PELP1: variants seen among roughly 807,000 people sequenced by gnomAD.
PELP1 encodes the protein proline, glutamate and leucine rich protein 1, also known as proline-, glutamic acid- and leucine-rich protein 1.
In PELP1, 32 loss-of-function variants were observed where a neutral mutation model predicts 95.5. The ratio of observed to expected loss-of-function variants is 0.34; its 90% CI spans 0.25 to 0.45. The LOEUF is 0.45. Ranked by LOEUF, PELP1 falls within the 20% of genes least tolerant of loss-of-function variation. The probability of loss-of-function intolerance (pLI) is 1.00; values close to 1 mark genes in which losing one functional copy is unlikely to be tolerated. For missense variants in PELP1, 1,358 were observed against 1,444.8 expected (o/e 0.94, Z 0.97); for synonymous variants, 668 against 600.1 (o/e 1.11, Z -1.65).
intron 1 of PELP1, among the ~76,000 whole-genome samples, chr17:4,693,587 C>T (rs891530516): frequency 2.0e-5 from 3 of 152,152 alleles, no homozygotes; most frequent in Admixed American, 1.3e-4. Context: ...TGAACACGAG[C>T]ACTGCAATAC....
rs1375766225 is a variant in PELP1 at position 4,685,936 on chromosome 17, A to C, written c.421-2984T>G. Among the ~76,000 whole-genome samples the C allele has an allele frequency of 2.6e-5, 4 of 152,236 alleles. No homozygotes were observed. The East Asian group carries it at 5.8e-4, about 22-fold the overall frequency. ...ACATGGTGAAACCCCGTCTCTACTAAAAATACAAAAATTAGCCGGGTGTGG... is the reference window on the plus strand; with the variant it reads ...ACATGGTGAAACCCCGTCTCTACTACAAATACAAAAATTAGCCGGGTGTGG... On this transcript the variant is annotated intron_variant, in intron 3 of 16. Transcript: ENST00000572293.
chr17:4,676,028 A>C lies in PELP1; in HGVS notation c.980+8T>G. ...CACGCCTCCGCTCCCTCCAATACCC[A>C]CACACACCTGAGCATGAGCCCTAGG... On this transcript the variant is annotated splice_region_variant and intron_variant, in intron 8 of 16. Transcript: ENST00000572293. 6.2e-7 allele frequency: 1 copy of C among 1,613,496 alleles called. No individual in the cohort carries two copies. The highest frequency in any genetic ancestry group is 8.5e-7 in the Non-Finnish European group (1 of 1,179,610).
chr17:4,676,252 AT>A, intron 7 of PELP1, 90 bp from the exon 8 acceptor site: 1 of 1,580,974 alleles, frequency 6.3e-7, no homozygotes, highest in Non-Finnish European at 8.6e-7. Flanking sequence ...ATTCTAACCC[AT>A]TTTCCCCAAA....
chr17:4,702,237 G>C (rs1913567936), intron 1 of PELP1, among the ~76,000 whole-genome samples: 1 of 152,098 alleles, frequency 6.6e-6, no homozygotes, highest in South Asian at 2.1e-4. Context: ...TGGGCAACAT[G>C]GCAAAACCCC....
In PELP1 at chr17:4,682,890, A is replaced by G. The variant is rs375333562; in HGVS notation, c.483T>C (p.Tyr161=). Residue 161 remains tyrosine, a synonymous_variant, in exon 4 of 17, where the codon TAT becomes TAC. Coordinates refer to ENST00000572293, the MANE Select transcript of PELP1 (RefSeq NM_014389.3). ...GGAACAGTGCAGGCAGCTGGGCTGC[A>G]TATCGGAGGAGGTCCCTCAGGACAG... ...AVAVLRDLLR[Y]AAQLPALFRD... is the part of the protein sequence containing the mutation. 4.8e-5 allele frequency: 77 copies of G among 1,591,914 alleles called. No individual in the cohort carries two copies. In the African/African-American group the frequency reaches 8.3e-4, roughly 17 times the overall value.
chr17:4,676,210 C>A, intron 7 of PELP1, 48 bp from the exon 8 acceptor site: 1 of 1,604,034 alleles, frequency 6.2e-7, no homozygotes, highest in Non-Finnish European at 8.5e-7. Context: ...TCCATCCCCT[C>A]CTCTGTCATT....
chr17:4,684,264 A>G (rs1379709022), intron 3 of PELP1, among the ~76,000 whole-genome samples: 2 of 152,116 alleles, frequency 1.3e-5, no homozygotes, highest in East Asian at 3.8e-4. Flanking sequence ...TAATCCTACC[A>G]CATTTCTCTG....
intron 5 of PELP1, among the ~76,000 whole-genome samples, chr17:4,679,144 A>G (rs1168069302): frequency 6.6e-6 from 1 of 151,936 alleles, no homozygotes; most frequent in Non-Finnish European, 1.5e-5. Context: ...TCCTGCCTCA[A>G]TGTTCTAAGT....
Position 4,673,639 on chromosome 17 carries a change from T to C in PELP1, c.1618A>G (p.Ile540Val). ...CTAACCCTGTGAGTCTCCTCCTTGA[T>C]GAGAGGCCCACACATGAGGATGGTC... The part of the protein sequence containing the change: ...SRTILMCGPL[I>V]KEETHRRLHD... Residue 540 changes from isoleucine (I) to valine (V), a missense_variant, in exon 14 of 17, where the codon ATC (isoleucine) becomes GTC (valine). Physicochemically the swap from Ile to Val is conservative, Grantham distance 29. Around this residue, in one of 7 missense-constraint regions of PELP1, gnomAD observed 538 missense variants for 628.1 expected, o/e 0.86. Transcript: ENST00000572293. The surrounding 1 kb of genome is among the most constrained non-coding windows in gnomAD (Gnocchi z 5.7). 1.9e-6 allele frequency: 3 copies of C among 1,613,836 alleles called. No individual in the cohort carries two copies. Among genetic ancestry groups the C allele is most frequent in the Non-Finnish European group, 2.5e-6 (3 of 1,179,790 alleles).
chr17:4,673,207 G>C lies in PELP1; in HGVS notation c.1845+43C>G. 6.5e-7 allele frequency: 1 copy of C among 1,535,302 alleles called. No homozygotes were observed. Among genetic ancestry groups the C allele is most frequent in the African/African-American group, 1.4e-5 (1 of 72,702 alleles). On this transcript the variant is annotated intron_variant, in intron 15 of 16. Coordinates refer to ENST00000572293, the MANE Select transcript of PELP1 (RefSeq NM_014389.3). This position sits in a 1 kb window ranked among gnomAD's most constrained non-coding sequence, Gnocchi z 5.7. ...AATACTGGGAGTCTCTTGGAAACAA[G>C]AGACTCCAGGAACCAAAGAGGGGCT...
intron 1 of PELP1, among the ~76,000 whole-genome samples, chr17:4,692,407 C>A (rs1413532450): frequency 6.6e-6 from 1 of 151,094 alleles, no homozygotes; most frequent in African/African-American, 2.4e-5. Flanking sequence ...ACGGAGTTTG[C>A]AGTGAGCCGA....
In PELP1 at chr17:4,672,921, G is replaced by A. The variant is rs147763003; in HGVS notation, c.2070C>T (p.Pro690=). The A allele has an allele frequency of 7.6e-3, 12,312 of 1,611,842 alleles. 261 individuals carry two copies. Among genetic ancestry groups the A allele is most frequent in the South Asian group, 0.059 (5,331 of 90,714 alleles). ...AGPMPSAGPM[P]SAGPVPSARP... is the part of the protein sequence containing the mutation. ...GTGCCGAGGGCACAGGGCCTGCTGA[G>A]GGCATGGGGCCTGCTGAAGGCATGG... The change falls in exon 16 of 17, where the codon CCC becomes CCT. Residue 690 remains proline (P), a synonymous_variant. Transcript: ENST00000572293.
At chr17:4,702,823 G>A (rs1392719507) in intron 1 of PELP1, among the ~76,000 whole-genome samples, 1 of 152,166 alleles carries the variant, frequency 6.6e-6, no homozygotes, top group Non-Finnish European at 1.5e-5. Context: ...GGAGAGAAGG[G>A]AAGATAGGAG....
Position 4,704,021 on chromosome 17 carries a change from G to A in PELP1, c.91C>T (p.Pro31Ser). ...TGGLSAVSSG[P>S]RLRLLLLESV... ...TCCAGCAGCAGCAGGCGGAGCCGCG[G>A]GCCCGAGCTCACTGCCGAGAGACCC... Residue 31 changes from proline to serine, a missense_variant, in exon 1 of 17, where the codon CCG becomes TCG. Pro to Ser is a moderately conservative substitution (Grantham distance 74). Transcript: ENST00000572293. The A allele has an allele frequency of 6.2e-7, 1 of 1,613,116 alleles. No individual in the cohort carries two copies. Among genetic ancestry groups the A allele is most frequent in the Non-Finnish European group, 8.5e-7 (1 of 1,179,712 alleles).
At chr17:4,682,370 A>G in intron 5 of PELP1, 132 bp downstream of exon 5, 1 of 661,974 alleles carries the variant, frequency 1.5e-6, no homozygotes, top group South Asian at 1.8e-5. Flanking sequence ...AAAGTGGTAG[A>G]AGTGTACTTG....
At chr17:4,683,793 GT>G (rs1255709141) in intron 3 of PELP1, among the ~76,000 whole-genome samples, 8 of 140,772 alleles carry the variant, frequency 5.7e-5, no homozygotes, top group Non-Finnish European at 1.2e-4. Flanking sequence ...AGACTCCAAA[GT>G]GCTAGGATTA....
intron 1 of PELP1, among the ~76,000 whole-genome samples, chr17:4,697,224 A>C (rs1389336991): frequency 6.6e-6 from 1 of 151,926 alleles, no homozygotes; most frequent in African/African-American, 2.4e-5. Flanking sequence ...TCGAGAGGAG[A>C]GGAGAGGGGC....
rs1912255468 is a variant in PELP1 at position 4,672,447 on chromosome 17, A to T, written c.2544T>A (p.Pro848=). 6.5e-7 allele frequency: 1 copy of T among 1,530,686 alleles called. No homozygotes were observed. The highest frequency in any genetic ancestry group is 8.8e-7 in the Non-Finnish European group (1 of 1,130,746). 94.8% of individuals were successfully genotyped at this position (1,530,686 alleles called of 1,614,324 possible). Residue 848 remains proline, a synonymous_variant, in exon 16 of 17, where the codon CCT becomes CCA. Coordinates refer to ENST00000572293, the MANE Select transcript of PELP1 (RefSeq NM_014389.3). Reference sequence around the variant, plus strand: ...GAGGGAGCGTCACAGGACCAGGAACAGGCGGCGGCGGAGGTGGGGGTGGCG... The same window carrying T: ...GAGGGAGCGTCACAGGACCAGGAACTGGCGGCGGCGGAGGTGGGGGTGGCG... The part of the protein sequence containing the change: ...PLPPPPPPPP[P]VPGPVTLPPP...
rs1429951429 is a variant in PELP1, at chr17:4,672,194, C to T, written c.2797G>A (p.Glu933Lys). 6.4e-7 allele frequency: 1 copy of T among 1,552,440 alleles called. No individual in the cohort carries two copies. Among genetic ancestry groups the T allele is most frequent in the East Asian group, 2.4e-5 (1 of 41,016 alleles). Residue 933 changes from glutamate to lysine, a missense_variant, in exon 16 of 17, where the codon GAA (glutamate) becomes AAA (lysine). Physicochemically the swap from Glu to Lys is moderately conservative, Grantham distance 56 (BLOSUM62 1). Transcript: ENST00000572293. ...TCACCTTCTTCTTCCTCAAATTCTT[C>T]CTCAAACTCTTCTTCCTCCTCTTCT... Reference protein sequence around the residue: ...EEEEEEEEFEEEFEEEEGELE... With the variant: ...EEEEEEEEFEKEFEEEEGELE...
Sources: allele counts gnomAD v4.1 joint callset (sites outside exome capture counted in the v4.1 genomes callset), GRCh38; gene constraint gnomAD v4.1.1; regional missense constraint gnomAD v4.1.1; non-coding constraint Gnocchi (gnomAD v3.1); transcripts MANE v1.5; gene names NCBI Gene and HGNC (gene_info 2026-07-23, HGNC 2026-07-21).